Variants in ENPP2 observed in about 807,000 individuals in gnomAD.
The protein encoded by ENPP2 is ectonucleotide pyrophosphatase/phosphodiesterase 2, also known as autotaxin.
Under a neutral mutation model 120.2 loss-of-function variants are expected in ENPP2, and 51 were observed. That is an observed-to-expected ratio of 0.42 (90% CI 0.34 to 0.54). The LOEUF (loss-of-function observed/expected upper bound fraction) is 0.54, where lower values mean the gene tolerates loss of function less well. ENPP2 is among the 20% of genes least tolerant of loss of function. The pLI is 0.04. For missense variants in ENPP2, 920 were observed against 1,066.5 expected (o/e 0.86, Z 1.91); for synonymous variants, 365 against 366.4 (o/e 1.00, Z 0.04).
At chr8:119,589,118 A>G (rs1415206940) in intron 13 of ENPP2, among the ~76,000 whole-genome samples, 1 of 152,234 alleles carries the variant, frequency 6.6e-6, no homozygotes, top group Non-Finnish European at 1.5e-5. Flanking sequence ...TGACTAAGAC[A>G]TCATCATCAT....
At position 119,669,120 on chromosome 8, in the gene ENPP2, T is replaced by G. The variant is rs148642185; in HGVS notation, c.21+4132A>C. On this transcript the variant is annotated intron_variant, in intron 1 of 25. Coordinates refer to the ENPP2 transcript ENST00000427067. ...GAGCCTTATATTATGCCTTTATAGATATCAATGATGCTGAATAAACAGGAA... is the reference window on the plus strand; with the variant it reads ...GAGCCTTATATTATGCCTTTATAGAGATCAATGATGCTGAATAAACAGGAA... 6.6e-5 allele frequency among the ~76,000 whole-genome samples: 10 copies of G among 152,336 alleles called. No homozygotes were observed. The East Asian group carries it at 1.9e-3, about 29-fold the overall frequency.
intron 11 of ENPP2, 124 bp downstream of exon 11, chr8:119,600,554 G>T: frequency 2.7e-4 from 152 of 570,690 alleles, no homozygotes; most frequent in East Asian, 3.7e-4. Flanking sequence ...GTAGTTATTT[G>T]ACTTTGCATA....
chr8:119,606,965 A>G (rs1814762288), intron 9 of ENPP2, among the ~76,000 whole-genome samples: 1 of 152,114 alleles, frequency 6.6e-6, no homozygotes, highest in Admixed American at 6.5e-5. Context: ...CAACATGTTG[A>G]TACTTTTATT....
At chr8:119,659,286 C>T (rs922148329) in intron 1 of ENPP2, among the ~76,000 whole-genome samples, 4 of 136,276 alleles carry the variant, frequency 2.9e-5, no homozygotes, top group African/African-American at 1.1e-4. Context: ...CACTGCACTC[C>T]AGCCTGGACT....
At chr8:119,600,106 CTATGTTCA>C (rs1184942251) in intron 11 of ENPP2, among the ~76,000 whole-genome samples, 2 of 151,480 alleles carry the variant, frequency 1.3e-5, no homozygotes, top group Non-Finnish European at 2.9e-5. Flanking sequence ...GGGGTGATGA[CTATGTTCA>C]TATCTTGAAT....
intron 11 of ENPP2, among the ~76,000 whole-genome samples, chr8:119,597,698 G>T (rs1482025487): frequency 1.3e-5 from 2 of 152,030 alleles, no homozygotes; most frequent in African/African-American, 2.4e-5. Context: ...AGCATAGAAG[G>T]TCAAAAAGAA....
At chr8:119,637,587 G>A (rs1342799481) in intron 2 of ENPP2, among the ~76,000 whole-genome samples, 9 of 152,164 alleles carry the variant, frequency 5.9e-5, no homozygotes, top group Admixed American at 5.9e-4. Context: ...AGACAAACAT[G>A]CTGGAATGTC....
chr8:119,569,305 CG>C lies in ENPP2; in HGVS notation c.1982del (p.Pro661ArgfsTer26). 1 of 1,614,000 alleles carries C rather than the reference CG, an allele frequency of 6.2e-7. No individual in the cohort carries two copies. The highest frequency in any genetic ancestry group is 8.5e-7 in the Non-Finnish European group (1 of 1,179,980). On this transcript the variant is annotated frameshift_variant, in exon 21 of 25. Coordinates refer to ENST00000075322, the MANE Select transcript of ENPP2 (RefSeq NM_001040092.3). LOFTEE classifies it high-confidence loss of function. ...SCVRPDVRVS[P>X]SFSQNCLAYK... The stretch of plus-strand genomic sequence containing the variant: ...AGGCCAAACAGTTCTGACTGAAACT[CG>C]GAGAAACACGGACATCAGGCCGGAC...
chr8:119,629,032 A>G (rs1816471781), intron 2 of ENPP2, among the ~76,000 whole-genome samples: 1 of 152,182 alleles, frequency 6.6e-6, no homozygotes, highest in Non-Finnish European at 1.5e-5. Context: ...CTCATTATAT[A>G]TAAATACCAT....
At position 119,562,914 on chromosome 8, in the gene ENPP2, A is replaced by G. The variant is rs1299791508; in HGVS notation, c.2364T>C (p.Pro788=). The change falls in exon 24 of 25, where the codon CCT becomes CCC. Residue 788 remains proline (P), a synonymous_variant. Coordinates refer to ENST00000075322, the MANE Select transcript of ENPP2 (RefSeq NM_001040092.3). ...FTQPADKCDG[P]LSVSSFILPH... ...GCAGGATGAAGGAGGACACAGAGAG[A>G]GGGCCGTCACACTTGTCGGCAGGCT... 10 of 1,614,132 alleles carry G rather than the reference A, an allele frequency of 6.2e-6. No homozygotes were observed. The highest frequency in any genetic ancestry group is 7.6e-6 in the Non-Finnish European group (9 of 1,180,002).
At chr8:119,664,478 G>A (rs1818013534) in intron 1 of ENPP2, among the ~76,000 whole-genome samples, 1 of 151,684 alleles carries the variant, frequency 6.6e-6, no homozygotes, top group Non-Finnish European at 1.5e-5. Flanking sequence ...AAACTGCAAA[G>A]CACTGTCTGT....
chr8:119,606,474 T>C (rs1283324470), intron 9 of ENPP2, among the ~76,000 whole-genome samples: 5 of 152,168 alleles, frequency 3.3e-5, no homozygotes, highest in Non-Finnish European at 7.3e-5. Flanking sequence ...AATACTTCTA[T>C]GAGCGTCTAT....
At chr8:119,621,344 C>T in intron 4 of ENPP2, 50 bp downstream of exon 4, 1 of 1,588,626 alleles carries the variant, frequency 6.3e-7, no homozygotes, top group South Asian at 1.1e-5. Flanking sequence ...CCTGGAGCAC[C>T]TCCAGTTTTT....
rs540203911 is a variant in ENPP2 at position 119,624,018 on chromosome 8, A to G, written c.293-2499T>C. ...CTTTTCCCATGACCTGCTCTTCCCA[A>G]TGATGAGCAATCTTCTAAGGTTGCT... On this transcript the variant is annotated intron_variant, in intron 3 of 24. Coordinates refer to ENST00000075322, the MANE Select transcript of ENPP2 (RefSeq NM_001040092.3). Among the ~76,000 whole-genome samples, 10 of 152,254 alleles carry G rather than the reference A, an allele frequency of 6.6e-5. 1 individual carries two copies. In the South Asian group the frequency reaches 1.5e-3, roughly 22 times the overall value.
At chr8:119,563,086 A>G in intron 23 of ENPP2, 73 bp from the exon 24 acceptor site, 1 of 1,320,914 alleles carries the variant, frequency 7.6e-7, no homozygotes, top group Non-Finnish European at 1.1e-6. Context: ...AATGGTGATC[A>G]ATGAATATTG....
chr8:119,670,496 A>G (rs1195690159), intron 1 of ENPP2, among the ~76,000 whole-genome samples: 1 of 152,222 alleles, frequency 6.6e-6, no homozygotes, highest in East Asian at 1.9e-4. Context: ...CTGTAATCAT[A>G]CTAAGACAAA....
At chr8:119,579,028 A>G (rs753062584) in intron 19 of ENPP2, among the ~76,000 whole-genome samples, 6 of 152,230 alleles carry the variant, frequency 3.9e-5, no homozygotes, top group Non-Finnish European at 8.8e-5. Context: ...TCTTTGCTGC[A>G]TGACTTGTGG....
chr8:119,630,846 T>A (rs1238722542), intron 2 of ENPP2, among the ~76,000 whole-genome samples: 1 of 152,112 alleles, frequency 6.6e-6, no homozygotes, highest in Non-Finnish European at 1.5e-5. Flanking sequence ...TAGAACCTCT[T>A]ATAAACCAAT....
At chr8:119,629,056 G>A (rs143972605) in intron 2 of ENPP2, among the ~76,000 whole-genome samples, 50 of 152,060 alleles carry the variant, frequency 3.3e-4, no homozygotes, top group Admixed American at 1.6e-3. Context: ...ATATATGTGC[G>A]TGTGGGTATG....
Sources: allele counts gnomAD v4.1 joint callset (sites outside exome capture counted in the v4.1 genomes callset), GRCh38; gene constraint gnomAD v4.1.1; transcripts MANE v1.5; gene names NCBI Gene and HGNC (gene_info 2026-07-23, HGNC 2026-07-21).